The following DYRK1A variants were observed in gnomAD, a reference collection of about 807,000 sequenced individuals.
The protein encoded by DYRK1A is dual specificity tyrosine-phosphorylation-regulated kinase 1A.
DYRK1A carries 9 observed loss-of-function variants against 79.7 expected under a neutral mutation model. That is an observed-to-expected ratio of 0.11 (90% CI 0.07 to 0.20). The LOEUF is 0.20. DYRK1A is among the 10% of genes least tolerant of loss of function. The pLI, the probability that DYRK1A is intolerant of heterozygous loss-of-function variation, is 1.00. For synonymous variants in DYRK1A, 349 were observed against 329.7 expected, an observed-to-expected ratio of 1.06 and a Z score of -0.63; for missense variants, 622 against 956.0, an observed-to-expected ratio of 0.65 and a Z score of 4.61.
chr21:37,411,665 A>G (rs1000646198), intron 1 of DYRK1A, among the ~76,000 whole-genome samples: 1 of 152,164 alleles, frequency 6.6e-6, no homozygotes, highest in African/African-American at 2.4e-5. Flanking sequence ...TAGAATGTCT[A>G]TTGGTTGAGA....
intron 2 of DYRK1A, among the ~76,000 whole-genome samples, chr21:37,439,292 G>A (rs891200933): frequency 3.3e-5 from 5 of 152,042 alleles, no homozygotes; most frequent in African/African-American, 9.7e-5. Flanking sequence ...TTTTCTTGCC[G>A]TTCTACATTG....
At chr21:37,456,028 T>G (rs145376004) in intron 2 of DYRK1A, 2 of 152,320 alleles carry the variant, frequency 1.3e-5, no homozygotes, top group African/African-American at 4.8e-5. Flanking sequence ...TGTCACCCTC[T>G]TAGGCTGTTT....
intron 5 of DYRK1A, among the ~76,000 whole-genome samples, chr21:37,483,632 G>A (rs1192239081): frequency 1.3e-5 from 2 of 152,028 alleles, no homozygotes; most frequent in Non-Finnish European, 2.9e-5. Flanking sequence ...AGCCTGGCAG[G>A]AGTGCAGTGG....
chr21:37,406,455 G>A (rs1394623171), intron 1 of DYRK1A, among the ~76,000 whole-genome samples: 1 of 152,136 alleles, frequency 6.6e-6, no homozygotes, highest in Non-Finnish European at 1.5e-5. Context: ...TAGTGCTTTG[G>A]GAGGCTGAGG....
chr21:37,376,883 A>C (rs768342746), intron 1 of DYRK1A, among the ~76,000 whole-genome samples: 1 of 152,168 alleles, frequency 6.6e-6, no homozygotes, highest in Non-Finnish European at 1.5e-5. Context: ...CATGTTCCAT[A>C]ATAATAACTG....
intron 2 of DYRK1A, among the ~76,000 whole-genome samples, chr21:37,442,510 C>T (rs2148481081): frequency 6.6e-6 from 1 of 152,190 alleles, no homozygotes; most frequent in East Asian, 1.9e-4. Flanking sequence ...ACTATCTAAC[C>T]TTTTATTAGT....
chr21:37,414,140 G>C (rs1253536994), intron 1 of DYRK1A, among the ~76,000 whole-genome samples: 1 of 152,086 alleles, frequency 6.6e-6, no homozygotes, highest in African/African-American at 2.4e-5. Context: ...ATTTTATTAG[G>C]TTGGTGCAAA....
chr21:37,435,743 G>A lies in DYRK1A; in HGVS notation c.10+15359G>A, dbSNP rs918039028. Among the ~76,000 whole-genome samples, 7 of 152,202 alleles carry A rather than the reference G, an allele frequency of 4.6e-5. No homozygotes were observed. In the East Asian group the frequency reaches 9.6e-4, roughly 21 times the overall value. ...ACTTTGACCTTTTATAAAGATACAC[G>A]TTTGTATTTAATAAAATGTTGCAAG... On this transcript the variant is annotated intron_variant, in intron 2 of 11. Coordinates refer to ENST00000647188, the MANE Select transcript of DYRK1A (RefSeq NM_001347721.2).
At chr21:37,371,381 G>A (rs2049426570) in intron 1 of DYRK1A, among the ~76,000 whole-genome samples, 1 of 152,142 alleles carries the variant, frequency 6.6e-6, no homozygotes, top group Non-Finnish European at 1.5e-5. Flanking sequence ...ATTGCACTGC[G>A]TAAGCCAGCT....
chr21:37,507,601 C>T (rs181402069), intron 11 of DYRK1A, among the ~76,000 whole-genome samples: 1 of 152,180 alleles, frequency 6.6e-6, no homozygotes, highest in Non-Finnish European at 1.5e-5. Context: ...GCAGTGTTGA[C>T]TTTTCCCCAC....
At chr21:37,409,670 A>G (rs1428826254) in intron 1 of DYRK1A, among the ~76,000 whole-genome samples, 1 of 152,204 alleles carries the variant, frequency 6.6e-6, no homozygotes, top group African/African-American at 2.4e-5. Context: ...ATTGCGATAC[A>G]TTGAGAAGTA....
At chr21:37,488,869 A>G (rs866047901) in intron 6 of DYRK1A, 2 of 985,330 alleles carry the variant, frequency 2.0e-6, no homozygotes, top group Middle Eastern at 5.2e-4. Context: ...GTGAGGTATC[A>G]TGGAACTATG....
intron 2 of DYRK1A, among the ~76,000 whole-genome samples, chr21:37,427,085 A>G (rs1357270118): frequency 1.3e-5 from 2 of 152,212 alleles, no homozygotes; most frequent in African/African-American, 4.8e-5. Context: ...TACTAACAAT[A>G]TAACTCAAGA....
At chr21:37,482,943 C>G (rs1460184022) in intron 5 of DYRK1A, among the ~76,000 whole-genome samples, 1 of 152,198 alleles carries the variant, frequency 6.6e-6, no homozygotes, top group Non-Finnish European at 1.5e-5. Flanking sequence ...CTCTTGTTCC[C>G]TGAACATTGC....
chr21:37,432,738 G>T (rs1322719026), intron 2 of DYRK1A, among the ~76,000 whole-genome samples: 1 of 151,976 alleles, frequency 6.6e-6, no homozygotes, highest in Non-Finnish European at 1.5e-5. Context: ...CGTGTCTCAA[G>T]CATCATTAAC....
At chr21:37,420,106 A>G (rs1435874753) in intron 1 of DYRK1A, 193 bp from the exon 2 acceptor site, 1 of 276,176 alleles carries the variant, frequency 3.6e-6, no homozygotes, top group Non-Finnish European at 6.7e-6. Context: ...AATTGAATAT[A>G]TTTTATATAT....
Position 37,518,605 on chromosome 21 carries a change from A to G in DYRK1A, c.*6074A>G, listed in dbSNP as rs949683783. Reference sequence around the variant, plus strand: ...GTGTGGCTAATATGACGGAAGTCTGAATCCAAGGACTTTTTTTTTTTTTTT... The same window carrying G: ...GTGTGGCTAATATGACGGAAGTCTGGATCCAAGGACTTTTTTTTTTTTTTT... On this transcript the variant is annotated 3_prime_UTR_variant, in exon 12 of 12. Coordinates refer to ENST00000647188, the MANE Select transcript of DYRK1A (RefSeq NM_001347721.2). 1 of 149,968 alleles carries G rather than the reference A, an allele frequency of 6.7e-6. No individual in the cohort carries two copies. The highest frequency in any genetic ancestry group is 1.5e-5 in the Non-Finnish European group (1 of 67,854). The allele number at this position is 149,968 out of a possible 1,614,324, so 9.3% of individuals were successfully genotyped here.
intron 11 of DYRK1A, among the ~76,000 whole-genome samples, chr21:37,508,285 C>G (rs2053653406): frequency 6.6e-6 from 1 of 152,134 alleles, no homozygotes; most frequent in African/African-American, 2.4e-5. Context: ...GCTATTTTCC[C>G]TACTTTTTTT....
intron 1 of DYRK1A, among the ~76,000 whole-genome samples, chr21:37,369,759 G>A (rs1258696402): frequency 1.3e-5 from 2 of 152,168 alleles, no homozygotes; most frequent in Non-Finnish European, 2.9e-5. Flanking sequence ...TATTGGTAGG[G>A]GTGGGAAATG....
Sources: gnomAD v4.1 joint callset for allele counts (sites outside exome capture counted in the v4.1 genomes callset) on GRCh38, gnomAD v4.1.1 for gene constraint, MANE v1.5 for transcripts, NCBI Gene and HGNC (gene_info 2026-07-23, HGNC 2026-07-21) for gene names.